HIVEP1: variants seen among roughly 807,000 people sequenced by gnomAD.
HIVEP1 encodes HIVEP zinc finger 1.
Under a neutral mutation model 180.0 loss-of-function variants are expected in HIVEP1, and 36 were observed. The observed-to-expected ratio is 0.20, with a 90% CI of 0.15 to 0.26. HIVEP1 has a LOEUF of 0.26. Ranked by LOEUF, HIVEP1 falls within the 10% of genes least tolerant of loss-of-function variation. HIVEP1 has a pLI of 1.00. For synonymous variants in HIVEP1, 1,239 were observed against 1,239.0 expected (o/e 1.00, Z 0.00); for missense variants, 3,143 against 3,268.7 (o/e 0.96, Z 0.94).
intron 7 of HIVEP1, among the ~76,000 whole-genome samples, chr6:12,140,516 G>A (rs1246306685): frequency 6.6e-6 from 1 of 152,222 alleles, no homozygotes; most frequent in African/African-American, 2.4e-5. Context: ...GATGGAGAAT[G>A]ACTTTGATGA....
chr6:12,185,144 A>G, the HIVEP1 span, among the ~76,000 whole-genome samples: 1 of 152,230 alleles, frequency 6.6e-6, no homozygotes, highest in African/African-American at 2.4e-5. Flanking sequence ...ACTTACCACA[A>G]AGGGCTGTTG....
At chr6:12,048,374 C>A (rs1465563226) in intron 2 of HIVEP1, among the ~76,000 whole-genome samples, 1 of 152,160 alleles carries the variant, frequency 6.6e-6, no homozygotes, top group Non-Finnish European at 1.5e-5. Flanking sequence ...AACTTTGTCA[C>A]CTAGACATTA....
Position 12,123,713 on chromosome 6 carries a change from A to C in HIVEP1, c.3918A>C (p.Leu1306=). Residue 1306 remains leucine, a synonymous_variant, in exon 4 of 9, where the codon CTA becomes CTC. Coordinates refer to ENST00000379388, the MANE Select transcript of HIVEP1 (RefSeq NM_002114.4). ...SSFDSTLSRS[L]SRESSLSHTS... ...TTGATTCCACTCTCTCCAGGAGTCT[A>C]AGTAGGGAGAGCAGTTTATCTCACA... 1.9e-6 allele frequency: 3 copies of C among 1,614,134 alleles called. No individual in the cohort carries two copies. The highest frequency in any genetic ancestry group is 2.5e-6 in the Non-Finnish European group (3 of 1,180,006).
chr6:12,061,089 G>C (rs538241839), intron 2 of HIVEP1, among the ~76,000 whole-genome samples: 1 of 152,236 alleles, frequency 6.6e-6, no homozygotes, highest in South Asian at 2.1e-4. Context: ...AGATAATGGG[G>C]ATGGCCGACC....
the HIVEP1 span, among the ~76,000 whole-genome samples, chr6:12,186,885 A>AT: frequency 0.068 from 9,987 of 147,856 alleles, 508 homozygotes; most frequent in African/African-American, 0.14. Flanking sequence ...GAGCATGAGC[A>AT]TTTTTTTTTT....
At chr6:12,195,453 G>C in the HIVEP1 span, among the ~76,000 whole-genome samples, 1 of 152,064 alleles carries the variant, frequency 6.6e-6, no homozygotes, top group Non-Finnish European at 1.5e-5. Context: ...AGATGTCAGC[G>C]GTTAAAAAAA....
chr6:12,082,205 G>C (rs1233430659), intron 2 of HIVEP1, among the ~76,000 whole-genome samples: 1 of 152,046 alleles, frequency 6.6e-6, no homozygotes, highest in South Asian at 2.1e-4. Context: ...ATACAGTCTG[G>C]GGTGTCATTC....
rs756124001 is a variant in HIVEP1 at position 12,124,646 on chromosome 6, A to G, written c.4851A>G (p.Pro1617=). ...TGTCTAATTCGCATCCTCTGCTACC[A>G]CCAGAGCTCAGGCCCCTTGGAAGTC... ...DSMSNSHPLL[P]PELRPLGSQV... Residue 1617 remains proline, a synonymous_variant, in exon 4 of 9, where the codon CCA becomes CCG. Transcript: ENST00000379388. The G allele has an allele frequency of 4.6e-5, 75 of 1,614,040 alleles. No individual in the cohort carries two copies. The highest frequency in any genetic ancestry group is 5.8e-5 in the Non-Finnish European group (68 of 1,180,016).
intron 6 of HIVEP1, among the ~76,000 whole-genome samples, chr6:12,132,284 A>G (rs959820528): frequency 1.4e-4 from 22 of 152,190 alleles, no homozygotes; most frequent in African/African-American, 5.1e-4. Flanking sequence ...TCCTATGATT[A>G]AGAAACATCT....
Position 12,020,882 on chromosome 6 carries a change from C to CTTTA in HIVEP1, c.40+5217_40+5218insATTT, listed in dbSNP as rs1446676981. On this transcript the variant is annotated intron_variant, in intron 2 of 8. Transcript: ENST00000379388. Reference sequence around the variant, plus strand: ...TCCTGTCTGAGAACCAGATTTCTTTCTTTCTTTCTTTTTTTTTTTTTTTTT... The same window carrying CTTTA: ...TCCTGTCTGAGAACCAGATTTCTTTCTTTATTTCTTTCTTTTTTTTTTTTTTTTT... Among the ~76,000 whole-genome samples, 3 of 101,700 alleles carry CTTTA rather than the reference C, an allele frequency of 2.9e-5. No homozygotes were observed. In the East Asian group the frequency reaches 7.9e-4, roughly 27 times the overall value. 66.7% of individuals were successfully genotyped at this position (101,700 alleles called of 152,430 possible).
At chr6:12,168,368 A>G (rs1760814782), downstream of HIVEP1, among the ~76,000 whole-genome samples, 4 of 127,878 alleles carry the variant, frequency 3.1e-5, no homozygotes, top group South Asian at 9.4e-4. Context: ...TATTATATAC[A>G]TATACATGTA....
intron 3 of HIVEP1, among the ~76,000 whole-genome samples, chr6:12,108,692 C>A (rs1399702876): frequency 6.6e-6 from 1 of 152,206 alleles, no homozygotes; most frequent in Non-Finnish European, 1.5e-5. Flanking sequence ...AGTGCGGGGC[C>A]CGCCAAGCCC....
At chr6:12,075,774 A>G (rs139672056) in intron 2 of HIVEP1, among the ~76,000 whole-genome samples, 13 of 152,308 alleles carry the variant, frequency 8.5e-5, no homozygotes, top group African/African-American at 2.9e-4. Flanking sequence ...CCTTGGGGAT[A>G]TCATCTCATT....
intron 2 of HIVEP1, among the ~76,000 whole-genome samples, chr6:12,032,209 C>T (rs1002135105): frequency 1.4e-5 from 2 of 139,298 alleles, no homozygotes; most frequent in African/African-American, 5.5e-5. Flanking sequence ...GGCGCGATTT[C>T]GGCTCACTGC....
chr6:12,069,721 A>G (rs991659590), intron 2 of HIVEP1, among the ~76,000 whole-genome samples: 1 of 151,662 alleles, frequency 6.6e-6, no homozygotes, highest in Non-Finnish European at 1.5e-5. Context: ...TTAAAGTATA[A>G]TAATAATAAA....
chr6:12,123,586 A>G lies in HIVEP1; in HGVS notation c.3791A>G (p.Gln1264Arg), dbSNP rs756866944. The change falls in exon 4 of 9, where the codon CAG becomes CGG. Residue 1264 changes from glutamine (Q) to arginine (R), a missense_variant. This residue lies in a region of HIVEP1 where 1,357 missense variants were observed against 1,260.5 expected (regional missense o/e 1.08). Coordinates refer to ENST00000379388, the MANE Select transcript of HIVEP1 (RefSeq NM_002114.4). ...AAGTCAGAGAAGTTCAGTTGGCCCC[A>G]GCGTAGTGAAACCTTGTCAAAATTG... ...QEKSEKFSWP[Q>R]RSETLSKLPT... is the part of the protein sequence containing the mutation. 1.2e-6 allele frequency: 2 copies of G among 1,614,136 alleles called. No homozygotes were observed. Among genetic ancestry groups the G allele is most frequent in the East Asian group, 2.2e-5 (1 of 44,884 alleles).
At chr6:12,181,047 A>G in the HIVEP1 span, among the ~76,000 whole-genome samples, 1 of 152,184 alleles carries the variant, frequency 6.6e-6, no homozygotes, top group African/African-American at 2.4e-5. Context: ...ACATATGTTT[A>G]TTTTTTGTAA....
chr6:12,163,204 AAT>A, intron 8 of HIVEP1, 77 bp from the exon 9 acceptor site: 3 of 1,006,850 alleles, frequency 3.0e-6, no homozygotes, highest in Non-Finnish European at 4.5e-6. Flanking sequence ...ATTGTGAAGA[AAT>A]AGATTTAGCA....
In HIVEP1 at chr6:12,161,843, C is replaced by T; in HGVS notation, c.6892C>T (p.Pro2298Ser). The T allele has an allele frequency of 6.2e-7, 1 of 1,614,036 alleles. No homozygotes were observed. Among genetic ancestry groups the T allele is most frequent in the African/African-American group, 1.3e-5 (1 of 75,046 alleles). ...TCCGTCTGTAGACACTTCCAGGTCCCCGTGTCATCAGATGTCTGTGGACTA... is the reference window on the plus strand; with the variant it reads ...TCCGTCTGTAGACACTTCCAGGTCCTCGTGTCATCAGATGTCTGTGGACTA... ...TIPSVDTSRS[P>S]CHQMSVDYPE... The change falls in exon 8 of 9, where the codon CCG (proline) becomes TCG (serine). Residue 2298 changes from proline to serine, a missense_variant. This residue lies in a region of HIVEP1 where 595 missense variants were observed against 602.2 expected (regional missense o/e 0.99). Transcript: ENST00000379388.
Sources: allele counts gnomAD v4.1 joint callset (sites outside exome capture counted in the v4.1 genomes callset), GRCh38; gene constraint gnomAD v4.1.1; regional missense constraint gnomAD v4.1.1; transcripts MANE v1.5; gene names NCBI Gene and HGNC (gene_info 2026-07-23, HGNC 2026-07-21).